CRTC1: variants seen among roughly 807,000 people sequenced by gnomAD.
CRTC1 encodes CREB-regulated transcription coactivator 1.
Under a neutral mutation model 66.1 loss-of-function variants are expected in CRTC1, and 18 were observed. The ratio of observed to expected loss-of-function variants is 0.27; its 90% CI spans 0.19 to 0.40. The LOEUF (loss-of-function observed/expected upper bound fraction) is 0.40, where lower values mean the gene tolerates loss of function less well. Among genes scored for constraint, CRTC1 ranks in the 10% least tolerant of loss-of-function variants. The probability of loss-of-function intolerance (pLI) is 1.00; values close to 1 mark genes in which losing one functional copy is unlikely to be tolerated. For synonymous variants in CRTC1, 416 were observed against 398.8 expected (o/e 1.04, Z -0.51); for missense variants, 669 against 887.9 (o/e 0.75, Z 3.13).
At chr19:18,706,170 T>TA (rs2053258803) in intron 1 of CRTC1, among the ~76,000 whole-genome samples, 1 of 145,584 alleles carries the variant, frequency 6.9e-6, no homozygotes, top group Admixed American at 6.9e-5. Flanking sequence ...CTTTCTATTC[T>TA]ATTCCATTGG....
At chr19:18,723,010 G>A (rs1204728708) in intron 1 of CRTC1, among the ~76,000 whole-genome samples, 1 of 151,854 alleles carries the variant, frequency 6.6e-6, no homozygotes, top group Non-Finnish European at 1.5e-5. Flanking sequence ...GTGCAATCTC[G>A]GCTCACTACA....
intron 1 of CRTC1, among the ~76,000 whole-genome samples, chr19:18,699,384 G>A (rs2053076823): frequency 6.6e-6 from 1 of 152,172 alleles, no homozygotes; most frequent in African/African-American, 2.4e-5. Context: ...CTGTATACTT[G>A]TACGGAACAC....
At chr19:18,686,012 T>C (rs2052676545) in intron 1 of CRTC1, among the ~76,000 whole-genome samples, 1 of 152,138 alleles carries the variant, frequency 6.6e-6, no homozygotes, top group African/African-American at 2.4e-5. Flanking sequence ...ATTCACAGAG[T>C]TGTGCAACCA....
intron 1 of CRTC1, among the ~76,000 whole-genome samples, chr19:18,694,956 T>C (rs1190975320): frequency 6.6e-6 from 1 of 151,724 alleles, no homozygotes; most frequent in Non-Finnish European, 1.5e-5. Flanking sequence ...CTGCAACCTC[T>C]GCCTCCTGGG....
intron 1 of CRTC1, among the ~76,000 whole-genome samples, chr19:18,687,331 A>G (rs1343867926): frequency 3.3e-5 from 5 of 152,104 alleles, no homozygotes; most frequent in Non-Finnish European, 5.9e-5. Flanking sequence ...GCCAAGGCTG[A>G]GAAACTTTTG....
rs963127664 is a variant in CRTC1, at chr19:18,782,182, G to A, written c.*4800G>A. The A allele has an allele frequency of 3.0e-5, 7 of 229,738 alleles. No homozygotes were observed. The highest frequency in any genetic ancestry group is 6.0e-5 in the Non-Finnish European group (7 of 115,912). The allele number at this position is 229,738 out of a possible 1,614,324, so 14.2% of individuals were successfully genotyped here. ...GTATACTCTGCCACGGACGTCCCGT[G>A]GGCCATGATTGTGGGCGGCCGCAGC... On this transcript the variant is annotated 3_prime_UTR_variant, in exon 14 of 14. Transcript: ENST00000321949.
At chr19:18,751,865 A>G (rs1228025071) in intron 5 of CRTC1, among the ~76,000 whole-genome samples, 1 of 152,178 alleles carries the variant, frequency 6.6e-6, no homozygotes, top group Non-Finnish European at 1.5e-5. Context: ...GCGGAACAGA[A>G]CATGCAAGCT....
intron 1 of CRTC1, among the ~76,000 whole-genome samples, chr19:18,706,182 C>CTTTTTTTTTTTTTTTTTTTTTTTGTT (rs2053260169): frequency 5.4e-5 from 1 of 18,676 alleles, no homozygotes; most frequent in Non-Finnish European, 1.1e-4. Context: ...TTCCATTGGT[C>CTTTTTTTTTTTTTTTTTTTTTTTGTT]TTTTTTTTTT....
At chr19:18,721,176 C>T (rs992766116) in intron 1 of CRTC1, among the ~76,000 whole-genome samples, 2 of 150,040 alleles carry the variant, frequency 1.3e-5, no homozygotes, top group African/African-American at 4.9e-5. Context: ...AAGGCATACC[C>T]TACTCCAGTT....
At chr19:18,725,573 G>A (rs376369142) in intron 1 of CRTC1, among the ~76,000 whole-genome samples, 14 of 152,138 alleles carry the variant, frequency 9.2e-5, no homozygotes, top group South Asian at 2.1e-4. Context: ...GTGGCTATGC[G>A]TGCTCACAGG....
At chr19:18,691,015 G>T (rs1267803199) in intron 1 of CRTC1, among the ~76,000 whole-genome samples, 3 of 142,408 alleles carry the variant, frequency 2.1e-5, no homozygotes, top group Non-Finnish European at 3.0e-5. Context: ...GACAGAGCGA[G>T]ACTCCGTCTC....
chr19:18,750,431 G>T (rs945426656), intron 5 of CRTC1, among the ~76,000 whole-genome samples: 2 of 152,202 alleles, frequency 1.3e-5, no homozygotes, highest in Non-Finnish European at 2.9e-5. Context: ...CCCCTGTGGC[G>T]GGGACAGATC....
At chr19:18,736,638 G>A (rs1485894945) in intron 1 of CRTC1, among the ~76,000 whole-genome samples, 1 of 151,992 alleles carries the variant, frequency 6.6e-6, no homozygotes, top group Admixed American at 6.5e-5. Flanking sequence ...TGGTGGCTCC[G>A]GGAGGAAGCA....
intron 8 of CRTC1, among the ~76,000 whole-genome samples, chr19:18,763,743 C>G (rs1412646462): frequency 6.6e-6 from 1 of 152,214 alleles, no homozygotes; most frequent in Non-Finnish European, 1.5e-5. Flanking sequence ...TCAGGCCCCA[C>G]CCGCCCCTGT....
chr19:18,734,681 TAAAAG>T (rs983570586), intron 1 of CRTC1, among the ~76,000 whole-genome samples: 2 of 151,924 alleles, frequency 1.3e-5, no homozygotes, highest in African/African-American at 2.4e-5. Flanking sequence ...CTGTCGCAAA[TAAAAG>T]AAAGAAAGAA....
intron 13 of CRTC1, 51 bp downstream of exon 13, chr19:18,775,872 G>A (rs573601544): frequency 8.0e-6 from 12 of 1,502,802 alleles, no homozygotes; most frequent in African/African-American, 7.0e-5. Context: ...GCCTCAGCCC[G>A]TGCGGAGACA....
At chr19:18,748,255 A>T (rs1008288305) in intron 4 of CRTC1, among the ~76,000 whole-genome samples, 8 of 151,820 alleles carry the variant, frequency 5.3e-5, no homozygotes, top group Non-Finnish European at 1.0e-4. Context: ...GTGTGTATAT[A>T]ATTTTTTTTC....
Position 18,734,530 on chromosome 19 carries a change from A to G in CRTC1, c.127-8380A>G, listed in dbSNP as rs544112564. Among the ~76,000 whole-genome samples, 125 of 151,348 alleles carry G rather than the reference A, an allele frequency of 8.3e-4. 1 individual carries two copies. In the South Asian group the frequency reaches 0.024, roughly 29 times the overall value. On this transcript the variant is annotated intron_variant, in intron 1 of 13. Transcript: ENST00000321949. ...GGGACCCTGTCTCTACAGAAAGAAA[A>G]AAAAAAAAAAGGCCATGGTGGTGCA...
At position 18,760,582 on chromosome 19, in the gene CRTC1, G is replaced by A. The variant is rs1044200976; in HGVS notation, c.886+354G>A. On this transcript the variant is annotated intron_variant, in intron 8 of 13. Transcript: ENST00000321949. This position sits in a 1 kb window ranked among gnomAD's most constrained non-coding sequence, Gnocchi z 6.2. ...CGACCCCAGCCCCTCATTGGGGGGC[G>A]GGACCAGGCCTGACCTGCTTCCTCC... Among the ~76,000 whole-genome samples, 2 of 151,814 alleles carry A rather than the reference G, an allele frequency of 1.3e-5. No homozygotes were observed. The highest frequency in any genetic ancestry group is 4.8e-5 in the African/African-American group (2 of 41,286).
Sources: allele counts gnomAD v4.1 joint callset (sites outside exome capture counted in the v4.1 genomes callset), GRCh38; gene constraint gnomAD v4.1.1; non-coding constraint Gnocchi (gnomAD v3.1); transcripts MANE v1.5; gene names NCBI Gene and HGNC (gene_info 2026-07-23, HGNC 2026-07-21).